FBXL4: variants seen among roughly 807,000 people sequenced by gnomAD.
FBXL4 encodes the protein F-box and leucine rich repeat protein 4, also known as F-box/LRR-repeat protein 4.
A neutral mutation model predicts 58.9 loss-of-function variants in FBXL4; 40 were observed. The observed-to-expected ratio is 0.68, with a 90% CI of 0.53 to 0.88. The LOEUF is 0.88. Ranked by LOEUF, FBXL4 falls within the 40% of genes least tolerant of loss-of-function variation. The pLI is 0.00. For synonymous variants in FBXL4, 263 were observed against 265.5 expected (o/e 0.99, Z 0.09); for missense variants, 676 against 734.4 (o/e 0.92, Z 0.92).
At chr6:98,911,226 C>T (rs1031669945) in intron 5 of FBXL4, among the ~76,000 whole-genome samples, 47 of 152,304 alleles carry the variant, frequency 3.1e-4, no homozygotes, top group Non-Finnish European at 5.4e-4. Flanking sequence ...CTACCTGCCT[C>T]TGTAGGCTCC....
chr6:98,908,443 C>T (rs2128394849), intron 5 of FBXL4, among the ~76,000 whole-genome samples: 1 of 152,152 alleles, frequency 6.6e-6, no homozygotes, highest in African/African-American at 2.4e-5. Context: ...TGCTTTTTTT[C>T]CTATTGCAAA....
intron 6 of FBXL4, among the ~76,000 whole-genome samples, chr6:98,900,411 T>A (rs1404521596): frequency 6.6e-6 from 1 of 152,184 alleles, no homozygotes; most frequent in African/African-American, 2.4e-5. Flanking sequence ...AGCTTACAAA[T>A]ACACATACAA....
rs1224833639 is a variant in FBXL4, at chr6:98,872,702, T to C, written c.*1576A>G. On this transcript the variant is annotated 3_prime_UTR_variant, in exon 10 of 10. Transcript: ENST00000369244. The stretch of plus-strand genomic sequence containing the variant: ...CTATCTGGCCCTTTATAGAAAAAGT[T>C]TCCTGACCTCTGCCCTAGAGCCAGA... The C allele has an allele frequency of 2.6e-5, 4 of 152,180 alleles. No homozygotes were observed. In the East Asian group the frequency reaches 7.7e-4, roughly 29 times the overall value. 9.4% of individuals were successfully genotyped at this position (152,180 alleles called of 1,614,324 possible).
chr6:98,914,539 A>G (rs1164407318), intron 5 of FBXL4, among the ~76,000 whole-genome samples: 2 of 152,234 alleles, frequency 1.3e-5, no homozygotes, highest in East Asian at 1.9e-4. Flanking sequence ...AATGTAATCC[A>G]GCATATAAAC....
chr6:98,910,512 C>A (rs1165210531), intron 5 of FBXL4, among the ~76,000 whole-genome samples: 1 of 152,002 alleles, frequency 6.6e-6, no homozygotes, highest in Non-Finnish European at 1.5e-5. Context: ...AAAAAGTTAG[C>A]CAGGCATGGT....
At chr6:98,935,795 CAA>C (rs372124984) in intron 1 of FBXL4, among the ~76,000 whole-genome samples, 3 of 117,620 alleles carry the variant, frequency 2.6e-5, no homozygotes, top group African/African-American at 7.1e-5. Context: ...GACTCCGTCT[CAA>C]AAAAAAAAAA....
intron 4 of FBXL4, among the ~76,000 whole-genome samples, chr6:98,918,960 C>T (rs1772476787): frequency 6.6e-6 from 1 of 151,368 alleles, no homozygotes; most frequent in Admixed American, 6.6e-5. Context: ...GATTTTTTTC[C>T]ACCAATAAAT....
At position 98,917,623 on chromosome 6, in the gene FBXL4, A is replaced by G; in HGVS notation, c.609T>C (p.Asn203=). The change falls in exon 5 of 10, where the codon AAT becomes AAC. Residue 203 remains asparagine (N), a synonymous_variant. Transcript: ENST00000369244. ...AACTATTTACTTCCAGTCGTATAAGATTTGTGGGGAAATTTATCTGCTTAA... is the reference window on the plus strand; with the variant it reads ...AACTATTTACTTCCAGTCGTATAAGGTTTGTGGGGAAATTTATCTGCTTAA... ...PCIKQINFPT[N]LIRLEVNSSL... The G allele has an allele frequency of 6.2e-7, 1 of 1,613,814 alleles. No homozygotes were observed. Among genetic ancestry groups the G allele is most frequent in the Non-Finnish European group, 8.5e-7 (1 of 1,179,848 alleles).
chr6:98,911,577 G>A (rs1772072075), intron 5 of FBXL4, among the ~76,000 whole-genome samples: 1 of 152,220 alleles, frequency 6.6e-6, no homozygotes, highest in African/African-American at 2.4e-5. Context: ...ACAGGGTCCG[G>A]AGTGGACCTC....
intron 5 of FBXL4, among the ~76,000 whole-genome samples, chr6:98,910,588 C>T (rs893194877): frequency 6.6e-6 from 1 of 151,166 alleles, no homozygotes; most frequent in African/African-American, 2.4e-5. Context: ...ACCCAGGAGG[C>T]GGAGCTTGCA....
chr6:98,932,101 T>A lies in FBXL4; in HGVS notation c.-191+2661A>T, dbSNP rs544173218. On this transcript the variant is annotated intron_variant, in intron 2 of 9. Coordinates refer to ENST00000369244, the MANE Select transcript of FBXL4 (RefSeq NM_001278716.2). ...CTTAATTTGTCCAAAAGAGTGATTA[T>A]AAAATGGATCTTCTGGGAGACATTT... Among the ~76,000 whole-genome samples the A allele has an allele frequency of 7.2e-5, 11 of 152,358 alleles. No individual in the cohort carries two copies. In the South Asian group the frequency reaches 2.3e-3, roughly 32 times the overall value.
chr6:98,921,715 G>C (rs1006364685), intron 4 of FBXL4, among the ~76,000 whole-genome samples: 9 of 151,870 alleles, frequency 5.9e-5, no homozygotes, highest in Non-Finnish European at 1.0e-4. Context: ...AACTGGATTT[G>C]GTAGCAAATT....
At chr6:98,908,498 C>T (rs1337416847) in intron 5 of FBXL4, among the ~76,000 whole-genome samples, 2 of 152,046 alleles carry the variant, frequency 1.3e-5, no homozygotes, top group African/African-American at 4.8e-5. Context: ...CATGTATGTT[C>T]ATCTTGGCAA....
At position 98,869,852 on chromosome 6, in the gene FBXL4, T is replaced by C. The variant is rs930606940; in HGVS notation, c.*4426A>G. 2 of 152,340 alleles carry C rather than the reference T, an allele frequency of 1.3e-5. No homozygotes were observed. Among genetic ancestry groups the C allele is most frequent in the African/African-American group, 4.8e-5 (2 of 41,588 alleles). 9.4% of individuals were successfully genotyped at this position (152,340 alleles called of 1,614,324 possible). A position where few individuals can be genotyped will look rare whatever the true frequency, so the allele number is the denominator to read the frequency against. ...AGTAAGCACCTGAATATTAATTGTC[T>C]ACATTTTGTATTTTTAAGATCTTAT... On this transcript the variant is annotated 3_prime_UTR_variant, in exon 10 of 10. Coordinates refer to ENST00000369244, the MANE Select transcript of FBXL4 (RefSeq NM_001278716.2).
In FBXL4 at chr6:98,905,689, C is replaced by T. The variant is rs996878291; in HGVS notation, c.859-19G>A. On this transcript the variant is annotated intron_variant, in intron 5 of 9. Coordinates refer to ENST00000369244, the MANE Select transcript of FBXL4 (RefSeq NM_001278716.2). Reference sequence around the variant, plus strand: ...GAATAAGCTAAATAAGACAGAGAAACCAAGATCATCAAGAGTGAAAAGCAG... The same window carrying T: ...GAATAAGCTAAATAAGACAGAGAAATCAAGATCATCAAGAGTGAAAAGCAG... 1.0e-5 allele frequency: 16 copies of T among 1,607,788 alleles called. No individual in the cohort carries two copies. Among genetic ancestry groups the T allele is most frequent in the African/African-American group, 1.3e-5 (1 of 74,836 alleles).
rs144011487 is a variant in FBXL4, at chr6:98,903,654, T to A, written c.1103+1772A>T. The stretch of plus-strand genomic sequence containing the variant: ...ATGGCATGGCTAAGTTTTCTTCTTA[T>A]AAGTGATGTTTCTTCTCAAGCGCCA... On this transcript the variant is annotated intron_variant, in intron 6 of 9. Transcript: ENST00000369244. Among the ~76,000 whole-genome samples the A allele has an allele frequency of 3.9e-5, 6 of 152,176 alleles. No homozygotes were observed. In the East Asian group the frequency reaches 1.2e-3, roughly 29 times the overall value.
At chr6:98,884,414 A>G (rs760254497) in intron 7 of FBXL4, among the ~76,000 whole-genome samples, 34 of 152,138 alleles carry the variant, frequency 2.2e-4, no homozygotes, top group Non-Finnish European at 8.8e-5. Flanking sequence ...TTTTTTTAAA[A>G]TAAATTTTAT....
At chr6:98,891,963 C>A (rs1467408641) in intron 7 of FBXL4, among the ~76,000 whole-genome samples, 1 of 152,066 alleles carries the variant, frequency 6.6e-6, no homozygotes, top group Non-Finnish European at 1.5e-5. Context: ...TCTGCACTCA[C>A]AAGTTAGGCT....
chr6:98,933,942 C>A (rs1469826226), intron 2 of FBXL4, among the ~76,000 whole-genome samples: 1 of 151,992 alleles, frequency 6.6e-6, no homozygotes, highest in Non-Finnish European at 1.5e-5. Flanking sequence ...AAAATTGAAG[C>A]GCAATAGGTA....
Sources: allele counts gnomAD v4.1 joint callset (sites outside exome capture counted in the v4.1 genomes callset), GRCh38; gene constraint gnomAD v4.1.1; transcripts MANE v1.5; gene names NCBI Gene and HGNC (gene_info 2026-07-23, HGNC 2026-07-21).